The following DCAKD variants were observed in gnomAD, a reference collection of about 807,000 sequenced individuals.
DCAKD encodes dephospho-CoA kinase domain-containing protein.
In DCAKD, 15 loss-of-function variants were observed where a neutral mutation model predicts 18.7. The observed-to-expected ratio is 0.80, with a 90% CI of 0.54 to 1.24. The LOEUF (loss-of-function observed/expected upper bound fraction) is 1.24. DCAKD is among the 50% of genes most tolerant of loss of function. The probability of loss-of-function intolerance (pLI) is 0.00; values close to 1 mark genes in which losing one functional copy is unlikely to be tolerated. For missense variants in DCAKD, 301 were observed against 322.0 expected, an observed-to-expected ratio of 0.93 and a Z score of 0.50; for synonymous variants, 130 against 133.0, an observed-to-expected ratio of 0.98 and a Z score of 0.16.
intron 1 of DCAKD, among the ~76,000 whole-genome samples, chr17:45,056,837 CG>C (rs1462509903): frequency 6.6e-6 from 1 of 150,402 alleles, no homozygotes; most frequent in African/African-American, 2.5e-5. Context: ...GCGTGATCTC[CG>C]CTCACTGCAA....
intron 4 of DCAKD, among the ~76,000 whole-genome samples, chr17:45,025,008 T>TC (rs1412024332): frequency 4.6e-5 from 5 of 107,910 alleles, no homozygotes; most frequent in African/African-American, 2.0e-4. Flanking sequence ...TGGCCACAGC[T>TC]CTTTTTTTTT....
intron 4 of DCAKD, among the ~76,000 whole-genome samples, chr17:45,028,329 C>T (rs886705916): frequency 1.1e-4 from 17 of 151,328 alleles, no homozygotes; most frequent in Middle Eastern, 3.5e-3. Context: ...CCAGGATGGT[C>T]GCGATCTTCT....
upstream of DCAKD, among the ~76,000 whole-genome samples, chr17:45,054,575 C>T (rs1450379273): frequency 6.6e-6 from 1 of 152,164 alleles, no homozygotes; most frequent in African/African-American, 2.4e-5. Flanking sequence ...CAAGTCCAGT[C>T]TTGGCAGTTA....
intron 4 of DCAKD, among the ~76,000 whole-genome samples, chr17:45,028,620 T>C (rs1168733481): frequency 1.3e-5 from 2 of 150,866 alleles, no homozygotes; most frequent in Non-Finnish European, 3.0e-5. Context: ...ATGTTGGTCA[T>C]GCCGCTCTCG....
In DCAKD at chr17:45,034,289, G is replaced by T; in HGVS notation, c.214C>A (p.Leu72Met). The change falls in exon 3 of 5, where the codon CTG becomes ATG. Residue 72 changes from leucine (L) to methionine (M), a missense_variant. Coordinates refer to ENST00000651974, the MANE Select transcript of DCAKD (RefSeq NM_001288655.2). ...GDINRKVLGD[L>M]IFNQPDRRQL... ...CGCCGGTCAGGCTGGTTAAAGATCA[G>T]GTCCCCCAGGACCTTGCGATTTATG... 6.2e-7 allele frequency: 1 copy of T among 1,614,180 alleles called. No individual in the cohort carries two copies. The highest frequency in any genetic ancestry group is 8.5e-7 in the Non-Finnish European group (1 of 1,180,034).
intron 1 of DCAKD, among the ~76,000 whole-genome samples, chr17:45,037,740 G>A (rs796675757): frequency 4.7e-5 from 7 of 148,234 alleles, no homozygotes; most frequent in Admixed American, 3.4e-4. Flanking sequence ...GATTACAGGC[G>A]TAAACCACCA....
intron 4 of DCAKD, among the ~76,000 whole-genome samples, chr17:45,026,218 C>CA (rs1421073433): frequency 5.5e-5 from 6 of 109,166 alleles, no homozygotes; most frequent in Non-Finnish European, 1.1e-4. Context: ...CGCGCCTGGA[C>CA]TTTTTTTTTT....
At chr17:45,027,586 A>G (rs187734066) in intron 4 of DCAKD, among the ~76,000 whole-genome samples, 4 of 152,310 alleles carry the variant, frequency 2.6e-5, no homozygotes, top group Middle Eastern at 3.4e-3. Flanking sequence ...CTGGCCGGTG[A>G]GTGGGGCTGA....
At chr17:45,060,884 T>G in intron 1 of DCAKD, 6 of 382,280 alleles carry the variant, frequency 1.6e-5, no homozygotes, top group Non-Finnish European at 2.2e-5. Flanking sequence ...GCCCTTTCAC[T>G]TACCCGGGAA....
chr17:45,049,880 C>T (rs561728050), intron 1 of DCAKD, among the ~76,000 whole-genome samples: 1 of 151,588 alleles, frequency 6.6e-6, no homozygotes, highest in Admixed American at 6.6e-5. Context: ...CCACCACACC[C>T]AGCTAATTTT....
chr17:45,035,068 A>AGTC, intron 1 of DCAKD, 69 bp from the exon 2 acceptor site: 1 of 607,526 alleles, frequency 1.6e-6, no homozygotes, highest in South Asian at 1.9e-5. Context: ...AGGCAAAGGA[A>AGTC]GTAAAGGGAG....
At chr17:45,059,660 T>C (rs1380473684) in intron 1 of DCAKD, among the ~76,000 whole-genome samples, 1 of 152,158 alleles carries the variant, frequency 6.6e-6, no homozygotes, top group Non-Finnish European at 1.5e-5. Context: ...CTTGAGTGAA[T>C]AGTGTATCAG....
At chr17:45,027,437 A>G (rs1397383889) in intron 4 of DCAKD, among the ~76,000 whole-genome samples, 2 of 152,250 alleles carry the variant, frequency 1.3e-5, no homozygotes, top group Non-Finnish European at 2.9e-5. Flanking sequence ...GAAATCCACA[A>G]GGGAGTCCTT....
At chr17:45,033,971 T>C (rs780126522) in intron 3 of DCAKD, 1 of 1,583,532 alleles carries the variant, frequency 6.3e-7, no homozygotes, top group Non-Finnish European at 8.5e-7. Flanking sequence ...CATGTGTCTC[T>C]TCTCATTAAA....
At chr17:45,029,457 C>A (rs2053129324) in intron 4 of DCAKD, among the ~76,000 whole-genome samples, 1 of 152,188 alleles carries the variant, frequency 6.6e-6, no homozygotes, top group Non-Finnish European at 1.5e-5. Context: ...AGCAGAGATA[C>A]CCTGCGGACT....
chr17:45,047,199 G>A (rs2053589330), intron 1 of DCAKD, among the ~76,000 whole-genome samples: 1 of 149,768 alleles, frequency 6.7e-6, no homozygotes, highest in African/African-American at 2.5e-5. Context: ...AATGGTTACA[G>A]CCAAAGAAAA....
chr17:45,035,600 C>T (rs1467825728), intron 1 of DCAKD, among the ~76,000 whole-genome samples: 2 of 152,024 alleles, frequency 1.3e-5, no homozygotes, highest in Admixed American at 1.3e-4. Context: ...GCAGGATCCC[C>T]TTGGAGGCCA....
upstream of DCAKD, among the ~76,000 whole-genome samples, chr17:45,052,902 G>A (rs1412403242): frequency 1.3e-5 from 2 of 151,670 alleles, no homozygotes; most frequent in East Asian, 3.9e-4. Context: ...TGTGGCTCAC[G>A]CCTGTAATCC....
chr17:45,035,480 TAA>T (rs35837364), intron 1 of DCAKD, among the ~76,000 whole-genome samples: 243 of 86,960 alleles, frequency 2.8e-3, no homozygotes, highest in Admixed American at 6.1e-3. Flanking sequence ...AGATTCCTTC[TAA>T]AAAAAAAAAA....
Sources: allele counts gnomAD v4.1 joint callset (sites outside exome capture counted in the v4.1 genomes callset), GRCh38; gene constraint gnomAD v4.1.1; transcripts MANE v1.5; gene names NCBI Gene and HGNC (gene_info 2026-07-23, HGNC 2026-07-21).